B3GALT1: variants seen among roughly 807,000 people sequenced by gnomAD.
The protein encoded by B3GALT1 is beta-1,3-galactosyltransferase 1, also known as UDP-Gal:betaGlcNAc beta 1,3-galactosyltransferase, polypeptide 1.
In B3GALT1, 10 loss-of-function variants were observed where a neutral mutation model predicts 23.2. The ratio of observed to expected loss-of-function variants is 0.43; its 90% CI spans 0.27 to 0.73. The LOEUF (loss-of-function observed/expected upper bound fraction) is 0.73, where lower values mean the gene tolerates loss of function less well. B3GALT1 is among the 30% of genes least tolerant of loss of function. The pLI is 0.21. For synonymous variants in B3GALT1, 156 were observed against 141.5 expected (o/e 1.10, Z -0.73); for missense variants, 299 against 405.4 (o/e 0.74, Z 2.25).
intron 1 of B3GALT1, among the ~76,000 whole-genome samples, chr2:167,342,996 C>A (rs1318304226): frequency 2.0e-5 from 3 of 152,144 alleles, no homozygotes; most frequent in Non-Finnish European, 2.9e-5. Flanking sequence ...AGGATTTATT[C>A]ATTGTTCTTT....
At chr2:167,720,633 C>T (rs1223530624) in intron 3 of B3GALT1, among the ~76,000 whole-genome samples, 4 of 152,180 alleles carry the variant, frequency 2.6e-5, no homozygotes, top group African/African-American at 9.7e-5. Context: ...TTTATTCATT[C>T]GTTCATCTAC....
rs114590760 is a variant in B3GALT1 at position 167,444,940 on chromosome 2, C to T, written c.-510-45237C>T. ...ATGTGTTGCTCTTGCTTCTCTAGTT[C>T]TATTAATTGTGTTGTTAGGGTGTCA... On this transcript the variant is annotated intron_variant, in intron 1 of 4. Transcript: ENST00000392690. 1.0e-2 allele frequency among the ~76,000 whole-genome samples: 1,520 copies of T among 152,258 alleles called. 8 individuals carry two copies. The highest frequency in any genetic ancestry group is 0.017 in the Non-Finnish European group (1,126 of 68,014).
At chr2:167,310,192 C>T (rs1250476195) in intron 1 of B3GALT1, among the ~76,000 whole-genome samples, 1 of 151,722 alleles carries the variant, frequency 6.6e-6, no homozygotes, top group Non-Finnish European at 1.5e-5. Context: ...TTCCATTTAG[C>T]AAGTTACAAT....
chr2:167,329,508 T>C (rs1367681141), intron 1 of B3GALT1, among the ~76,000 whole-genome samples: 1 of 152,220 alleles, frequency 6.6e-6, no homozygotes, highest in East Asian at 1.9e-4. Context: ...TAGTTCTGTT[T>C]AATCTAAAGT....
intron 3 of B3GALT1, among the ~76,000 whole-genome samples, chr2:167,649,546 T>G (rs962241895): frequency 4.6e-5 from 7 of 152,144 alleles, no homozygotes; most frequent in African/African-American, 1.7e-4. Flanking sequence ...AATTGAATTA[T>G]ACAATACAGA....
chr2:167,602,908 C>T (rs1425340551), intron 2 of B3GALT1, among the ~76,000 whole-genome samples: 1 of 152,050 alleles, frequency 6.6e-6, no homozygotes, highest in African/African-American at 2.4e-5. Context: ...TCAGCAGCAC[C>T]CCTTGTATAA....
Position 167,833,424 on chromosome 2 carries a change from G to A in B3GALT1, c.-230+14631G>A, listed in dbSNP as rs1689391245. ...AATAGAGGCACTAGGGATTATGGCA[G>A]GTCATACAGTGGGTATCTCAGGGAA... On this transcript the variant is annotated intron_variant, in intron 4 of 4. Transcript: ENST00000392690. Among the ~76,000 whole-genome samples, 3 of 152,278 alleles carry A rather than the reference G, an allele frequency of 2.0e-5. No homozygotes were observed. The South Asian group carries it at 6.2e-4, about 32-fold the overall frequency.
At chr2:167,329,594 C>T (rs898340489) in intron 1 of B3GALT1, among the ~76,000 whole-genome samples, 1 of 152,066 alleles carries the variant, frequency 6.6e-6, no homozygotes, top group African/African-American at 2.4e-5. Flanking sequence ...GTACTGCAGT[C>T]TGTCTCTTTC....
At chr2:167,494,627 G>A (rs1699752897) in intron 2 of B3GALT1, among the ~76,000 whole-genome samples, 1 of 151,982 alleles carries the variant, frequency 6.6e-6, no homozygotes, top group Admixed American at 6.6e-5. Flanking sequence ...ATATTTTATG[G>A]TACTCACAAA....
chr2:167,470,533 A>G (rs1321548555), intron 1 of B3GALT1, among the ~76,000 whole-genome samples: 1 of 152,124 alleles, frequency 6.6e-6, no homozygotes, highest in East Asian at 1.9e-4. Flanking sequence ...TAATAATTAT[A>G]TGGTAGTCCT....
Position 167,800,776 on chromosome 2 carries a change from GT to G in B3GALT1, c.-351-17894del, listed in dbSNP as rs1688626755. On this transcript the variant is annotated intron_variant, in intron 3 of 4. Coordinates refer to ENST00000392690, the MANE Select transcript of B3GALT1 (RefSeq NM_020981.4). ...TGTCAGTGACTCGGGATGGGCACTT[GT>G]TGTCTGAATAAGACCAGTTCTTGGT... is the stretch of plus-strand genomic sequence containing the variant. 3.9e-5 allele frequency among the ~76,000 whole-genome samples: 6 copies of G among 152,306 alleles called. No homozygotes were observed. The South Asian group carries it at 1.2e-3, about 32-fold the overall frequency.
At chr2:167,694,908 C>G (rs1486063874) in intron 3 of B3GALT1, among the ~76,000 whole-genome samples, 1 of 152,098 alleles carries the variant, frequency 6.6e-6, no homozygotes, top group Non-Finnish European at 1.5e-5. Flanking sequence ...GTCTACTTCT[C>G]TCTTTTTAAA....
chr2:167,642,180 C>T (rs1042990988), intron 2 of B3GALT1, among the ~76,000 whole-genome samples: 1 of 152,126 alleles, frequency 6.6e-6, no homozygotes, highest in Non-Finnish European at 1.5e-5. Flanking sequence ...TCACAGTTTT[C>T]AACTACTCCC....
At chr2:167,631,968 C>T (rs149722684) in intron 2 of B3GALT1, among the ~76,000 whole-genome samples, 1,615 of 151,764 alleles carry the variant, frequency 0.011, 58 homozygotes, top group Admixed American at 0.064. Flanking sequence ...TGACAGGCCC[C>T]GGTGTGTGAT....
At chr2:167,776,040 GCACACACACACACACACACA>G (rs71003011) in intron 3 of B3GALT1, among the ~76,000 whole-genome samples, 1 of 142,258 alleles carries the variant, frequency 7.0e-6, no homozygotes, top group Non-Finnish European at 1.5e-5. Flanking sequence ...ATGCAACTGT[GCACACACACACACACACACA>G]CACACACACA....
chr2:167,548,195 G>T (rs1355734972), intron 2 of B3GALT1, among the ~76,000 whole-genome samples: 1 of 152,104 alleles, frequency 6.6e-6, no homozygotes, highest in African/African-American at 2.4e-5. Context: ...CAAATGGGTG[G>T]CAGGGCTGGA....
intron 1 of B3GALT1, among the ~76,000 whole-genome samples, chr2:167,365,585 TACACACACACACACACAC>T (rs10683932): frequency 6.4e-5 from 9 of 140,394 alleles, no homozygotes; most frequent in Admixed American, 7.3e-5. Flanking sequence ...GAGATACAAA[TACACACACACACACACAC>T]ACACACACAC....
At chr2:167,705,966 C>T (rs1329627375) in intron 3 of B3GALT1, among the ~76,000 whole-genome samples, 1 of 152,160 alleles carries the variant, frequency 6.6e-6, no homozygotes, top group African/African-American at 2.4e-5. Flanking sequence ...TGTTGGATAG[C>T]ATTGACTAGA....
At chr2:167,685,533 A>G (rs1158699414) in intron 3 of B3GALT1, among the ~76,000 whole-genome samples, 1 of 152,172 alleles carries the variant, frequency 6.6e-6, no homozygotes, top group Non-Finnish European at 1.5e-5. Flanking sequence ...AGAGCTCTGA[A>G]TCTGAGGAAG....
Sources: gnomAD v4.1 joint callset for allele counts (sites outside exome capture counted in the v4.1 genomes callset) on GRCh38, gnomAD v4.1.1 for gene constraint, MANE v1.5 for transcripts, NCBI Gene and HGNC (gene_info 2026-07-23, HGNC 2026-07-21) for gene names.